Variants in GGNBP2 observed in about 807,000 individuals in gnomAD.
The protein encoded by GGNBP2 is gametogenetin-binding protein 2.
GGNBP2 carries 10 observed loss-of-function variants against 85.9 expected under a neutral mutation model. That is an observed-to-expected ratio of 0.12 (90% CI 0.07 to 0.20). The LOEUF (loss-of-function observed/expected upper bound fraction) is 0.20. GGNBP2 is among the 10% of genes least tolerant of loss of function. GGNBP2 has a pLI of 1.00. For missense variants in GGNBP2, 595 were observed against 857.8 expected (o/e 0.69, Z 3.83); for synonymous variants, 287 against 285.7 (o/e 1.00, Z -0.05).
intron 9 of GGNBP2, among the ~76,000 whole-genome samples, chr17:36,584,691 G>A (rs2074683273): frequency 6.6e-6 from 1 of 152,218 alleles, no homozygotes; most frequent in African/African-American, 2.4e-5. Flanking sequence ...GCTCATGCCT[G>A]TAATCCTAGC....
intron 9 of GGNBP2, among the ~76,000 whole-genome samples, chr17:36,582,859 T>C (rs1160366875): frequency 6.6e-6 from 1 of 152,190 alleles, no homozygotes; most frequent in East Asian, 1.9e-4. Context: ...CTTTTGTTTA[T>C]GTGGGTTATA....
At chr17:36,551,333 A>C (rs1309540983) in intron 2 of GGNBP2, among the ~76,000 whole-genome samples, 1 of 151,904 alleles carries the variant, frequency 6.6e-6, no homozygotes, top group Non-Finnish European at 1.5e-5. Flanking sequence ...CAGCCTCCCA[A>C]GTAGCTAGGA....
intron 5 of GGNBP2, among the ~76,000 whole-genome samples, chr17:36,565,149 C>T (rs775890183): frequency 2.4e-4 from 37 of 152,116 alleles, no homozygotes; most frequent in African/African-American, 8.2e-4. Context: ...ATATTAAATG[C>T]GGCCAAGTTA....
intron 2 of GGNBP2, among the ~76,000 whole-genome samples, chr17:36,554,088 A>T (rs900440829): frequency 3.3e-5 from 5 of 151,848 alleles, no homozygotes; most frequent in African/African-American, 1.2e-4. Flanking sequence ...GTACTTTGGG[A>T]GGCTGAGGTC....
chr17:36,580,950 A>G (rs746601917), intron 8 of GGNBP2, among the ~76,000 whole-genome samples: 20 of 150,520 alleles, frequency 1.3e-4, no homozygotes, highest in Non-Finnish European at 3.0e-4. Flanking sequence ...ATTTAAAACT[A>G]GAATCTTGCT....
intron 6 of GGNBP2, among the ~76,000 whole-genome samples, chr17:36,573,744 AT>A: frequency 6.6e-6 from 1 of 152,120 alleles, no homozygotes; most frequent in East Asian, 1.9e-4. Flanking sequence ...GTGATATCTC[AT>A]TGTGTTTTTG....
Position 36,581,489 on chromosome 17 carries a change from T to C in GGNBP2, c.1166T>C (p.Ile389Thr). Residue 389 changes from isoleucine to threonine, a missense_variant, in exon 9 of 14, where the codon ATT becomes ACT. Physicochemically the swap from Ile to Thr is moderately conservative, Grantham distance 89. This residue lies in a region of GGNBP2 where 85 missense variants were observed against 92.6 expected (regional missense o/e 0.92). Transcript: ENST00000613102. Reference sequence around the variant, plus strand: ...CGAAAAAATAAGTGTGTGTGTGATATTCCTACTCCCTTACAAACAGCAGAT... The same window carrying C: ...CGAAAAAATAAGTGTGTGTGTGATACTCCTACTCCCTTACAAACAGCAGAT... ...NRRKNKCVCD[I>T]PTPLQTADEK... The C allele has an allele frequency of 1.2e-6, 2 of 1,611,418 alleles. No homozygotes were observed. The highest frequency in any genetic ancestry group is 1.7e-5 in the Admixed American group (1 of 59,262).
Position 36,557,163 on chromosome 17 carries a change from G to A in GGNBP2, c.255G>A (p.Gln85=). The change falls in exon 4 of 14, where the codon CAG becomes CAA. Residue 85 remains glutamine, a synonymous_variant. Coordinates refer to ENST00000613102, the MANE Select transcript of GGNBP2 (RefSeq NM_024835.5). Reference sequence around the variant, plus strand: ...GCGAAGTCCTGAGTGCACTTTCTCAGCTTGTCCCATGTGTTGGTTGTCGTC... The same window carrying A: ...GCGAAGTCCTGAGTGCACTTTCTCAACTTGTCCCATGTGTTGGTTGTCGTC... ...TSREVLSALS[Q]LVPCVGCRRS... The A allele has an allele frequency of 6.2e-7, 1 of 1,614,108 alleles. No individual in the cohort carries two copies. The highest frequency in any genetic ancestry group is 8.5e-7 in the Non-Finnish European group (1 of 1,180,024).
At chr17:36,545,990 A>C in intron 2 of GGNBP2, 173 bp downstream of exon 2, 1 of 546,354 alleles carries the variant, frequency 1.8e-6, no homozygotes, top group Non-Finnish European at 3.3e-6. Context: ...TGGCTCGGTA[A>C]CCTCTGTCGG....
Position 36,557,019 on chromosome 17 carries a change from G to A in GGNBP2, c.175-64G>A. ...TACTGCACAAGGATAGGAACCAGTA[G>A]TAGTGAAAGTGTAATTTTACGTCTT... On this transcript the variant is annotated intron_variant, in intron 3 of 13. Transcript: ENST00000613102. The A allele has an allele frequency of 1.3e-5, 21 of 1,584,128 alleles. No individual in the cohort carries two copies. In the South Asian group the frequency reaches 2.3e-4, roughly 18 times the overall value.
rs2074233981 is a variant in GGNBP2 at position 36,544,976 on chromosome 17, G to C, written c.-228G>C. The C allele has an allele frequency of 6.5e-6, 1 of 152,736 alleles. No homozygotes were observed. Among genetic ancestry groups the C allele is most frequent in the African/African-American group, 2.4e-5 (1 of 41,426 alleles). 9.5% of individuals were successfully genotyped at this position (152,736 alleles called of 1,614,324 possible). On this transcript the variant is annotated 5_prime_UTR_variant, in exon 1 of 14. Coordinates refer to ENST00000613102, the MANE Select transcript of GGNBP2 (RefSeq NM_024835.5). The stretch of plus-strand genomic sequence containing the variant: ...TAGAGGAAACGACATTCGGAGCTGC[G>C]CTCCCGCCCACGCCGGCCCTGACGC...
intron 5 of GGNBP2, among the ~76,000 whole-genome samples, 194 bp downstream of exon 5, chr17:36,561,065 T>G (rs1338926581): frequency 6.6e-6 from 1 of 152,156 alleles, no homozygotes; most frequent in Non-Finnish European, 1.5e-5. Context: ...TCAATGTAGA[T>G]CTGATTTAAA....
intron 5 of GGNBP2, among the ~76,000 whole-genome samples, chr17:36,563,476 A>G (rs2074439339): frequency 6.6e-6 from 1 of 151,932 alleles, no homozygotes; most frequent in East Asian, 1.9e-4. Flanking sequence ...ATCCTTCCAC[A>G]TGCATCTCTA....
chr17:36,556,643 G>T (rs2074364048), intron 3 of GGNBP2, among the ~76,000 whole-genome samples: 1 of 151,774 alleles, frequency 6.6e-6, no homozygotes, highest in Non-Finnish European at 1.5e-5. Context: ...GGCAGAGGTT[G>T]CAGTGAGCTG....
Position 36,579,291 on chromosome 17 carries a change from G to A in GGNBP2, c.892G>A (p.Val298Ile). Residue 298 changes from valine to isoleucine, a missense_variant, in exon 8 of 14, where the codon GTT (valine) becomes ATT (isoleucine). Physicochemically the swap from Val to Ile is conservative, Grantham distance 29 (BLOSUM62 3). This residue lies in a region of GGNBP2 where 92 missense variants were observed against 183.9 expected (regional missense o/e 0.50). Coordinates refer to ENST00000613102, the MANE Select transcript of GGNBP2 (RefSeq NM_024835.5). ...GACAATAGATATAGCTCAAGAAGAA[G>A]TTCTGACCTGCTTGGGAATTCATCT... Reference protein sequence around the residue: ...AKTIDIAQEEVLTCLGIHLYE... With the variant: ...AKTIDIAQEEILTCLGIHLYE... 3 of 1,614,186 alleles carry A rather than the reference G, an allele frequency of 1.9e-6. No individual in the cohort carries two copies. The highest frequency in any genetic ancestry group is 2.5e-6 in the Non-Finnish European group (3 of 1,180,006).
chr17:36,560,587 G>C (rs2074407751), intron 4 of GGNBP2, among the ~76,000 whole-genome samples, 186 bp from the exon 5 acceptor site: 1 of 134,506 alleles, frequency 7.4e-6, no homozygotes, highest in Non-Finnish European at 1.6e-5. Context: ...AGATGGCTGA[G>C]AGTCAGGTAG....
intron 2 of GGNBP2, among the ~76,000 whole-genome samples, chr17:36,550,317 G>A (rs181364618): frequency 1.9e-3 from 293 of 151,684 alleles, no homozygotes; most frequent in Admixed American, 3.6e-3. Flanking sequence ...AGAGTTTGGG[G>A]TTTTGTTTTT....
chr17:36,572,642 CAA>C (rs1424243386), intron 6 of GGNBP2, among the ~76,000 whole-genome samples: 1 of 152,042 alleles, frequency 6.6e-6, no homozygotes, highest in African/African-American at 2.4e-5. Flanking sequence ...TACAGTGAGA[CAA>C]GAGTATGCCA....
chr17:36,584,148 G>A (rs2074677582), intron 9 of GGNBP2, among the ~76,000 whole-genome samples: 1 of 152,210 alleles, frequency 6.6e-6, no homozygotes, highest in Non-Finnish European at 1.5e-5. Flanking sequence ...TGAAGTAACA[G>A]ATTGACTTCA....
Sources: allele counts gnomAD v4.1 joint callset (sites outside exome capture counted in the v4.1 genomes callset), GRCh38; gene constraint gnomAD v4.1.1; regional missense constraint gnomAD v4.1.1; transcripts MANE v1.5; gene names NCBI Gene and HGNC (gene_info 2026-07-23, HGNC 2026-07-21).